CHRDL1: variants seen among roughly 807,000 people sequenced by gnomAD.
CHRDL1 encodes the protein chordin like 1.
CHRDL1 carries 19 observed loss-of-function variants against 40.9 expected under a neutral mutation model. The observed-to-expected ratio is 0.46, with a 90% CI of 0.32 to 0.68. CHRDL1 has a LOEUF of 0.68. Ranked by LOEUF, CHRDL1 falls within the 30% of genes least tolerant of loss-of-function variation. The pLI, the probability that CHRDL1 is intolerant of heterozygous loss-of-function variation, is 0.03. For missense variants in CHRDL1, 329 were observed against 352.1 expected (o/e 0.93, Z 0.53); for synonymous variants, 136 against 123.4 (o/e 1.10, Z -0.68).
In CHRDL1 at chrX:110,763,558, T is replaced by TACAC. The variant is rs1556366535; in HGVS notation, c.95-755_95-752dup. Among the ~76,000 whole-genome samples, 73 of 105,578 alleles carry TACAC rather than the reference T, an allele frequency of 6.9e-4. 2 individuals carry two copies. The highest frequency in any genetic ancestry group is 2.6e-3 in the African/African-American group (73 of 28,319). 91.7% of individuals were successfully genotyped at this position (105,578 alleles called of 115,157 possible). On this transcript the variant is annotated intron_variant, in intron 2 of 11. Transcript: ENST00000372042. ...AGAAACATATATATATATATATATA[T>TACAC]ACACACACATACTGACTCTCTGTCT...
intron 4 of CHRDL1, among the ~76,000 whole-genome samples, chrX:110,738,004 C>A (rs999633304): frequency 8.9e-6 from 1 of 111,817 alleles, no homozygotes; most frequent in Non-Finnish European, 1.9e-5. Flanking sequence ...CCACAATGCA[C>A]AGGATAGACG....
intron 9 of CHRDL1, among the ~76,000 whole-genome samples, chrX:110,682,475 T>C (rs2069921956): frequency 8.9e-6 from 1 of 112,500 alleles, no homozygotes; most frequent in Non-Finnish European, 1.9e-5. Context: ...AGTTTCTTCT[T>C]GTTGGTTATC....
At chrX:110,751,455 G>T (rs951875796) in intron 4 of CHRDL1, among the ~76,000 whole-genome samples, 2 of 111,817 alleles carry the variant, frequency 1.8e-5, no homozygotes, top group African/African-American at 6.5e-5. Context: ...TACCTCTCTG[G>T]TAGATTCATA....
At position 110,744,961 on chromosome X, in the gene CHRDL1, T is replaced by TCACACA. The variant is rs530325738; in HGVS notation, c.301+14694_301+14699dup. 2.1e-4 allele frequency among the ~76,000 whole-genome samples: 18 copies of TCACACA among 84,504 alleles called. No individual in the cohort carries two copies. In the South Asian group the frequency reaches 4.0e-3, roughly 19 times the overall value. The allele number at this position is 84,504 out of a possible 115,157, so 73.4% of individuals were successfully genotyped here. A position where few individuals can be genotyped will look rare whatever the true frequency, so the allele number is the denominator to read the frequency against. Reference sequence around the variant, plus strand: ...TGTCCCATTTCTCCCTCTCTCTCATTCACACACACACACACACACACACAC... The same window carrying TCACACA: ...TGTCCCATTTCTCCCTCTCTCTCATTCACACACACACACACACACACACACACACAC... On this transcript the variant is annotated intron_variant, in intron 4 of 11. Transcript: ENST00000372042.
intron 4 of CHRDL1, among the ~76,000 whole-genome samples, chrX:110,741,250 C>A (rs1447248144): frequency 8.9e-6 from 1 of 111,904 alleles, no homozygotes; most frequent in African/African-American, 3.2e-5. Flanking sequence ...TTCTAATGAG[C>A]ACATCCTTAA....
chrX:110,751,899 A>G (rs1054244136), intron 4 of CHRDL1, among the ~76,000 whole-genome samples: 1 of 112,167 alleles, frequency 8.9e-6, no homozygotes, highest in Non-Finnish European at 1.9e-5. Flanking sequence ...GAATGGATAA[A>G]GAAAATGTGG....
intron 2 of CHRDL1, among the ~76,000 whole-genome samples, chrX:110,769,343 G>A (rs1602401816): frequency 8.9e-6 from 1 of 111,995 alleles, no homozygotes; most frequent in Non-Finnish European, 1.9e-5. Context: ...TTTTCCTGAC[G>A]ATCAAAATTG....
intron 4 of CHRDL1, among the ~76,000 whole-genome samples, chrX:110,727,573 TATAA>T (rs2071080857): frequency 8.9e-6 from 1 of 111,975 alleles, no homozygotes; most frequent in Non-Finnish European, 1.9e-5. Flanking sequence ...GGAAAAAGGA[TATAA>T]ATAGACAGTT....
chrX:110,714,165 C>T (rs2070795946), intron 6 of CHRDL1, among the ~76,000 whole-genome samples: 1 of 111,501 alleles, frequency 9.0e-6, no homozygotes, highest in South Asian at 3.8e-4. Flanking sequence ...CCTCCTCTCA[C>T]CCTCCATCCT....
intron 4 of CHRDL1, among the ~76,000 whole-genome samples, chrX:110,725,055 C>T (rs2071030810): frequency 8.9e-6 from 1 of 111,804 alleles, no homozygotes; most frequent in Non-Finnish European, 1.9e-5. Context: ...GGCTGCGTGG[C>T]TTCTAACCTC....
At chrX:110,767,274 C>T (rs1033174999) in intron 2 of CHRDL1, among the ~76,000 whole-genome samples, 1 of 111,101 alleles carries the variant, frequency 9.0e-6, no homozygotes, top group East Asian at 2.8e-4. Flanking sequence ...CCTCTGAGAA[C>T]TGGAGCAAGA....
intron 6 of CHRDL1, among the ~76,000 whole-genome samples, chrX:110,705,852 T>C (rs2070627433): frequency 9.1e-6 from 1 of 109,889 alleles, no homozygotes; most frequent in African/African-American, 3.3e-5. Context: ...ATTAAATATA[T>C]AAATACTAGG....
chrX:110,691,402 G>T (rs1260463319), intron 8 of CHRDL1, among the ~76,000 whole-genome samples: 1 of 110,601 alleles, frequency 9.0e-6, no homozygotes, highest in African/African-American at 3.3e-5. Context: ...CCGAGGATGA[G>T]TTATCTCCCT....
At chrX:110,788,462 G>C (rs1005614564) in intron 2 of CHRDL1, among the ~76,000 whole-genome samples, 1 of 111,543 alleles carries the variant, frequency 9.0e-6, no homozygotes, top group Non-Finnish European at 1.9e-5. Flanking sequence ...CACATTCCTT[G>C]ACCTAAAAGC....
rs1274655221 is a variant in CHRDL1, at chrX:110,676,328, T to G, written c.1280A>C (p.Gln427Pro). 8.3e-7 allele frequency: 1 copy of G among 1,208,772 alleles called. No individual in the cohort carries two copies. Among genetic ancestry groups the G allele is most frequent in the Non-Finnish European group, 1.1e-6 (1 of 894,198 alleles). Reference sequence around the variant, plus strand: ...ACGACTTGAACACATCTGGCTGATCTGAGCTTCTCCTTCGGTGAAGATCTT... The same window carrying G: ...ACGACTTGAACACATCTGGCTGATCGGAGCTTCTCCTTCGGTGAAGATCTT... ...QWKIFTEGEA[Q>P]ISQMCSSRVC... The change falls in exon 12 of 12, where the codon CAG (glutamine) becomes CCG (proline). Residue 427 changes from glutamine (Q) to proline (P), a missense_variant. Coordinates refer to ENST00000372042, the MANE Select transcript of CHRDL1 (RefSeq NM_001143981.2).
intron 4 of CHRDL1, among the ~76,000 whole-genome samples, chrX:110,749,988 T>C (rs183335237): frequency 6.8e-4 from 76 of 111,601 alleles, no homozygotes; most frequent in Non-Finnish European, 1.1e-3. Context: ...AAAGAACTTA[T>C]CCTAAATACT....
chrX:110,704,793 A>G lies in CHRDL1; in HGVS notation c.542-4072T>C, dbSNP rs367893739. Among the ~76,000 whole-genome samples the G allele has an allele frequency of 2.7e-5, 3 of 111,461 alleles. No individual in the cohort carries two copies. In the East Asian group the frequency reaches 8.4e-4, roughly 31 times the overall value. On this transcript the variant is annotated intron_variant, in intron 6 of 11. Coordinates refer to ENST00000372042, the MANE Select transcript of CHRDL1 (RefSeq NM_001143981.2). ...GAATAGAAACCAGTAAAGATTTACC[A>G]GCAAATGGCAAAACAAAATGTAAAA...
Position 110,763,538 on chromosome X carries a change from CATAT to C in CHRDL1, c.95-735_95-732del, listed in dbSNP as rs750708016. Among the ~76,000 whole-genome samples, 731 of 98,276 alleles carry C rather than the reference CATAT, an allele frequency of 7.4e-3. 3 individuals carry two copies. Among genetic ancestry groups the C allele is most frequent in the African/African-American group, 0.026 (692 of 26,426 alleles). 85.3% of individuals were successfully genotyped at this position (98,276 alleles called of 115,157 possible). Reference sequence around the variant, plus strand: ...CACACATATATATAATCAATAGAAACATATATATATATATATATATACACACACA... The same window carrying C: ...CACACATATATATAATCAATAGAAACATATATATATATATATACACACACA... On this transcript the variant is annotated intron_variant, in intron 2 of 11. Coordinates refer to ENST00000372042, the MANE Select transcript of CHRDL1 (RefSeq NM_001143981.2).
chrX:110,697,693 A>T (rs889134065), intron 7 of CHRDL1, among the ~76,000 whole-genome samples: 2 of 108,632 alleles, frequency 1.8e-5, no homozygotes, highest in African/African-American at 6.8e-5. Context: ...GTAAATTTCA[A>T]CGTAATCTAC....
Sources: allele counts gnomAD v4.1 joint callset (sites outside exome capture counted in the v4.1 genomes callset), GRCh38; gene constraint gnomAD v4.1.1; transcripts MANE v1.5; gene names NCBI Gene and HGNC (gene_info 2026-07-23, HGNC 2026-07-21).